MAGI1: variants seen among roughly 807,000 people sequenced by gnomAD.
MAGI1 encodes membrane associated guanylate kinase, WW and PDZ domain containing 1, also known as membrane-associated guanylate kinase, WW and PDZ domain-containing protein 1.
In MAGI1, 58 loss-of-function variants were observed where a neutral mutation model predicts 139.9. The observed-to-expected ratio is 0.41, with a 90% confidence interval of 0.34 to 0.52. The LOEUF (loss-of-function observed/expected upper bound fraction) is 0.52. Ranked by LOEUF, MAGI1 falls within the 20% of genes least tolerant of loss-of-function variation. The pLI is 0.12. For synonymous variants in MAGI1, 812 were observed against 737.9 expected, an observed-to-expected ratio of 1.10 and a Z score of -1.63; for missense variants, 1,874 against 1,901.6, an observed-to-expected ratio of 0.99 and a Z score of 0.27.
chr3:65,806,286 G>A (rs112997799), intron 1 of MAGI1, among the ~76,000 whole-genome samples: 29,216 of 151,642 alleles, frequency 0.19, 3,642 homozygotes, highest in East Asian at 0.43. Context: ...AAAATTAGCC[G>A]GGCATGGTAG....
intron 2 of MAGI1, among the ~76,000 whole-genome samples, chr3:65,548,448 G>A (rs1004247485): frequency 6.6e-6 from 1 of 151,286 alleles, no homozygotes; most frequent in Admixed American, 6.6e-5. Context: ...TGCACAAAAG[G>A]GCCTCCCTTT....
chr3:65,403,947 C>T (rs1301160300), intron 12 of MAGI1, among the ~76,000 whole-genome samples: 1 of 152,238 alleles, frequency 6.6e-6, no homozygotes, highest in African/African-American at 2.4e-5. Context: ...AAGGAATGAG[C>T]TATCTCTACA....
At chr3:65,760,144 C>T (rs946387623) in intron 1 of MAGI1, among the ~76,000 whole-genome samples, 4 of 150,148 alleles carry the variant, frequency 2.7e-5, no homozygotes, top group African/African-American at 1.0e-4. Context: ...TCATTGTCTT[C>T]AACTTCCTCC....
chr3:65,827,578 G>A (rs991518594), intron 1 of MAGI1, among the ~76,000 whole-genome samples: 4 of 152,186 alleles, frequency 2.6e-5, no homozygotes, highest in East Asian at 3.9e-4. Context: ...CTCCCTCCAC[G>A]CAGTCCAGGG....
chr3:65,534,314 T>A (rs1468461097), intron 2 of MAGI1, among the ~76,000 whole-genome samples: 1 of 151,968 alleles, frequency 6.6e-6, no homozygotes, highest in Non-Finnish European at 1.5e-5. Flanking sequence ...AAACCTCATC[T>A]CTACAAAAAT....
At chr3:65,388,101 T>G (rs1943594531) in intron 14 of MAGI1, among the ~76,000 whole-genome samples, 1 of 152,206 alleles carries the variant, frequency 6.6e-6, no homozygotes, top group African/African-American at 2.4e-5. Context: ...TTTAAAGGAC[T>G]TCAGTGCTCG....
At chr3:65,971,934 C>T (rs2065031028) in intron 1 of MAGI1, among the ~76,000 whole-genome samples, 1 of 152,188 alleles carries the variant, frequency 6.6e-6, no homozygotes, top group African/African-American at 2.4e-5. Context: ...TCATGTCGTA[C>T]CTCAGCAAGA....
chr3:65,810,160 T>G (rs561796593), intron 1 of MAGI1, among the ~76,000 whole-genome samples: 1 of 152,364 alleles, frequency 6.6e-6, no homozygotes, highest in South Asian at 2.1e-4. Context: ...TTTCACATAT[T>G]AGGTAAAGCC....
chr3:65,759,485 C>G lies in MAGI1; in HGVS notation c.314-137397G>C, dbSNP rs558571989. 5.9e-5 allele frequency among the ~76,000 whole-genome samples: 9 copies of G among 152,260 alleles called. 1 individual carries two copies. The highest frequency in any genetic ancestry group is 2.2e-4 in the African/African-American group (9 of 41,552). ...GACAATGTGTGTCATTATACCAGAA[C>G]AGTATTTAAGCAAGCAACCAAAAGG... On this transcript the variant is annotated intron_variant, in intron 1 of 22. Coordinates refer to ENST00000402939, the MANE Select transcript of MAGI1 (RefSeq NM_001033057.2).
intron 18 of MAGI1, among the ~76,000 whole-genome samples, chr3:65,373,960 C>T (rs982799355): frequency 1.3e-5 from 2 of 152,084 alleles, no homozygotes; most frequent in Non-Finnish European, 2.9e-5. Flanking sequence ...CGTAAGGCAC[C>T]GGCTATACCT....
In MAGI1 at chr3:65,595,388, A is replaced by G. The variant is rs1048933061; in HGVS notation, c.430+26584T>C. 3.9e-5 allele frequency among the ~76,000 whole-genome samples: 6 copies of G among 152,332 alleles called. No individual in the cohort carries two copies. The East Asian group carries it at 5.8e-4, about 15-fold the overall frequency. On this transcript the variant is annotated intron_variant, in intron 2 of 22. Coordinates refer to ENST00000402939, the MANE Select transcript of MAGI1 (RefSeq NM_001033057.2). Reference sequence around the variant, plus strand: ...GAGCTCCTTTCTGTTAATAAAGCCCATGTGAAACTGTTTTGCCACAAGCTT... The same window carrying G: ...GAGCTCCTTTCTGTTAATAAAGCCCGTGTGAAACTGTTTTGCCACAAGCTT...
chr3:65,371,812 AG>A, intron 18 of MAGI1: 1 of 289,382 alleles, frequency 3.5e-6, no homozygotes, highest in South Asian at 3.0e-5. Context: ...TTCATCCATA[AG>A]AAGCAACTCC....
At position 65,658,763 on chromosome 3, in the gene MAGI1, TG is replaced by T. The variant is rs767773915; in HGVS notation, c.314-36676del. Among the ~76,000 whole-genome samples, 6 of 152,308 alleles carry T rather than the reference TG, an allele frequency of 3.9e-5. No homozygotes were observed. The South Asian group carries it at 1.2e-3, about 32-fold the overall frequency. ...GTTCATCCGTTCACAAGCCATCTTC[TG>T]CCCTCCCATCTCAGAGGAAGTTTCT... On this transcript the variant is annotated intron_variant, in intron 1 of 22. Coordinates refer to ENST00000402939, the MANE Select transcript of MAGI1 (RefSeq NM_001033057.2).
intron 1 of MAGI1, among the ~76,000 whole-genome samples, chr3:66,001,452 TAGAA>T (rs1387638284): frequency 1.3e-5 from 2 of 152,270 alleles, no homozygotes; most frequent in African/African-American, 4.8e-5. Context: ...AATGTCATGC[TAGAA>T]AGAAAAGAGT....
intron 1 of MAGI1, among the ~76,000 whole-genome samples, chr3:65,724,312 G>A (rs1338849384): frequency 6.6e-6 from 1 of 152,212 alleles, no homozygotes. Flanking sequence ...GTTTTTGTCA[G>A]AATGGCTTGC....
intron 2 of MAGI1, among the ~76,000 whole-genome samples, 173 bp downstream of exon 2, chr3:65,621,799 G>C (rs916072598): frequency 5.9e-5 from 9 of 152,118 alleles, no homozygotes; most frequent in African/African-American, 1.9e-4. Context: ...CTGAAACCCA[G>C]GCACACCACG....
chr3:65,414,590 T>G (rs1049199922), intron 12 of MAGI1, among the ~76,000 whole-genome samples: 1 of 152,202 alleles, frequency 6.6e-6, no homozygotes, highest in Admixed American at 6.5e-5. Context: ...GGCCTTTCCC[T>G]AGAGCAGTGA....
intron 1 of MAGI1, chr3:65,687,998 T>C: frequency 1.2e-6 from 1 of 826,844 alleles, no homozygotes; most frequent in East Asian, 3.1e-5. Flanking sequence ...ACTTGAGGGT[T>C]TCGTTTTCCT....
intron 15 of MAGI1, 36 bp downstream of exon 15, chr3:65,383,473 CAATTTGCTTTGAAGCCTTAGAAA>C: frequency 7.7e-7 from 1 of 1,293,834 alleles, no homozygotes; most frequent in Non-Finnish European, 1.1e-6. Context: ...TCACTGTCGC[CAATTTGCTTTGAAGCCTTAGAAA>C]AATATGCTGG....
Sources: gnomAD v4.1 joint callset for allele counts (sites outside exome capture counted in the v4.1 genomes callset) on GRCh38, gnomAD v4.1.1 for gene constraint, MANE v1.5 for transcripts, NCBI Gene and HGNC (gene_info 2026-07-23, HGNC 2026-07-21) for gene names.